PCDH15: variants seen among roughly 807,000 people sequenced by gnomAD.
The protein encoded by PCDH15 is protocadherin-15.
In PCDH15, 129 loss-of-function variants were observed where a neutral mutation model predicts 178.5. The ratio of observed to expected loss-of-function variants is 0.72; its 90% confidence interval spans 0.63 to 0.84. The LOEUF is 0.84. PCDH15 is among the 40% of genes least tolerant of loss of function. The pLI is 0.00. For missense variants in PCDH15, 2,230 were observed against 2,099.9 expected (o/e 1.06, Z -1.21); for synonymous variants, 800 against 732.0 (o/e 1.09, Z -1.50).
At chr10:54,967,164 C>T (rs921946134) in intron 2 of PCDH15, among the ~76,000 whole-genome samples, 1 of 151,802 alleles carries the variant, frequency 6.6e-6, no homozygotes, top group Admixed American at 6.6e-5. Flanking sequence ...TACAATGTTA[C>T]AGTGGCTACA....
chr10:54,848,118 C>A (rs1419301592), intron 3 of PCDH15, among the ~76,000 whole-genome samples: 1 of 152,132 alleles, frequency 6.6e-6, no homozygotes, highest in Non-Finnish European at 1.5e-5. Context: ...TTGGCTCATG[C>A]CTGTAATCCC....
intron 1 of PCDH15, among the ~76,000 whole-genome samples, chr10:55,262,770 T>C (rs1346514200): frequency 6.6e-6 from 1 of 152,158 alleles, no homozygotes; most frequent in Non-Finnish European, 1.5e-5. Context: ...CTGATTCTTC[T>C]GGTACACCAA....
At chr10:55,096,103 A>G (rs186191046) in intron 2 of PCDH15, among the ~76,000 whole-genome samples, 1 of 152,250 alleles carries the variant, frequency 6.6e-6, no homozygotes, top group East Asian at 1.9e-4. Flanking sequence ...AAAAACAAAT[A>G]CAATCCTTGG....
intron 2 of PCDH15, among the ~76,000 whole-genome samples, chr10:55,492,866 G>A (rs1442568705): frequency 6.6e-6 from 1 of 151,510 alleles, no homozygotes; most frequent in Non-Finnish European, 1.5e-5. Context: ...ATAAAGAGAG[G>A]AAAATTATAA....
intron 1 of PCDH15, among the ~76,000 whole-genome samples, chr10:55,222,613 T>TAAAA (rs1420300675): frequency 6.6e-6 from 1 of 151,020 alleles, no homozygotes; most frequent in African/African-American, 2.4e-5. Context: ...TCCTACTGAG[T>TAAAA]TTTCTTTATA....
At chr10:54,363,727 G>A (rs1389461720) in intron 5 of PCDH15, among the ~76,000 whole-genome samples, 1 of 152,068 alleles carries the variant, frequency 6.6e-6, no homozygotes, top group East Asian at 1.9e-4. Context: ...TACCAACAAT[G>A]TATGAAAGTT....
intron 3 of PCDH15, among the ~76,000 whole-genome samples, chr10:54,436,559 G>C (rs7070060): frequency 0.48 from 72,187 of 151,902 alleles, 17,931 homozygotes; most frequent in Middle Eastern, 0.52. Flanking sequence ...TATAGCTCTG[G>C]AAATTCTTAA....
intron 17 of PCDH15, among the ~76,000 whole-genome samples, chr10:54,075,624 C>G (rs1731967862): frequency 6.6e-6 from 1 of 152,022 alleles, no homozygotes; most frequent in Non-Finnish European, 1.5e-5. Flanking sequence ...TCTAAGAGTT[C>G]TATAGACTCA....
intron 1 of PCDH15, among the ~76,000 whole-genome samples, chr10:55,179,018 TA>T (rs1839568870): frequency 6.6e-6 from 1 of 152,156 alleles, no homozygotes; most frequent in Non-Finnish European, 1.5e-5. Context: ...GGCACAAGAT[TA>T]TTCCCTTTTA....
intron 2 of PCDH15, among the ~76,000 whole-genome samples, chr10:55,103,192 G>T (rs577063179): frequency 2.5e-4 from 37 of 150,150 alleles, no homozygotes; most frequent in African/African-American, 9.1e-4. Flanking sequence ...TTGTTTCAGC[G>T]CCAGTGATAT....
chr10:55,196,740 T>C (rs944955101), intron 1 of PCDH15, among the ~76,000 whole-genome samples: 1 of 152,084 alleles, frequency 6.6e-6, no homozygotes, highest in African/African-American at 2.4e-5. Flanking sequence ...ATACTATTTA[T>C]GTAAAGAAAA....
chr10:55,016,768 T>C (rs1446626403), intron 2 of PCDH15, among the ~76,000 whole-genome samples: 1 of 152,172 alleles, frequency 6.6e-6, no homozygotes, highest in Non-Finnish European at 1.5e-5. Flanking sequence ...TACCTAGCAG[T>C]GGGATTGCTG....
chr10:55,598,404 G>A (rs1842979306), intron 2 of PCDH15, among the ~76,000 whole-genome samples: 1 of 150,572 alleles, frequency 6.6e-6, no homozygotes, highest in Non-Finnish European at 1.5e-5. Context: ...AAAGGACTTG[G>A]CGGTGCTTTA....
chr10:55,580,245 A>T (rs968618199), intron 2 of PCDH15, among the ~76,000 whole-genome samples: 1 of 152,000 alleles, frequency 6.6e-6, no homozygotes, highest in Admixed American at 6.6e-5. Context: ...TTCACTACAC[A>T]CTATGTTTTA....
Position 53,857,878 on chromosome 10 carries a change from AAATAG to A in PCDH15, c.3718-620_3718-616del, listed in dbSNP as rs1303402078. 2.0e-5 allele frequency among the ~76,000 whole-genome samples: 3 copies of A among 152,044 alleles called. No individual in the cohort carries two copies. In the East Asian group the frequency reaches 5.8e-4, roughly 29 times the overall value. On this transcript the variant is annotated intron_variant, in intron 27 of 37. Coordinates refer to ENST00000644397, the MANE Select transcript of PCDH15 (RefSeq NM_001384140.1). ...TTTCTTCTATGTTCTTATATTTGAA[AAATAG>A]AAGAAAAATAAAAATATTTATTCTG...
intron 3 of PCDH15, among the ~76,000 whole-genome samples, chr10:54,491,669 T>A (rs1427985861): frequency 6.6e-6 from 1 of 152,302 alleles, no homozygotes; most frequent in East Asian, 1.9e-4. Context: ...TTAAGAGCAA[T>A]ACAGAGAAGA....
intron 9 of PCDH15, among the ~76,000 whole-genome samples, chr10:54,219,637 A>G (rs1591251678): frequency 6.6e-6 from 1 of 151,092 alleles, no homozygotes; most frequent in African/African-American, 2.4e-5. Flanking sequence ...AGAATTATCA[A>G]TCCCAACGTG....
intron 2 of PCDH15, among the ~76,000 whole-genome samples, chr10:55,126,259 A>G (rs1034412847): frequency 7.2e-5 from 11 of 152,030 alleles, no homozygotes; most frequent in African/African-American, 2.7e-4. Flanking sequence ...TCACTGGACA[A>G]TACTCCCTCA....
intron 2 of PCDH15, among the ~76,000 whole-genome samples, chr10:54,962,162 G>C (rs1270744777): frequency 3.3e-5 from 5 of 152,258 alleles, no homozygotes; most frequent in African/African-American, 1.2e-4. Context: ...AGCTCGTTGA[G>C]CTGCAGGCAG....
Sources: allele counts gnomAD v4.1 joint callset (sites outside exome capture counted in the v4.1 genomes callset), GRCh38; gene constraint gnomAD v4.1.1; transcripts MANE v1.5; gene names NCBI Gene and HGNC (gene_info 2026-07-23, HGNC 2026-07-21).